The following PHTF1 variants were observed in gnomAD, a reference collection of about 807,000 sequenced individuals.
PHTF1 encodes the protein protein PHTF1.
Under a neutral mutation model 102.4 loss-of-function variants are expected in PHTF1, and 88 were observed. The observed-to-expected ratio is 0.86, with a 90% CI of 0.72 to 1.03. The LOEUF is 1.03. PHTF1 is among the 50% of genes least tolerant of loss of function. PHTF1 has a pLI of 0.00. For synonymous variants in PHTF1, 289 were observed against 305.2 expected, an observed-to-expected ratio of 0.95 and a Z score of 0.55; for missense variants, 814 against 909.5, an observed-to-expected ratio of 0.89 and a Z score of 1.35.
rs1248952900 is a variant in PHTF1, at chr1:113,724,885, C to T, written c.497G>A (p.Arg166Gln). Residue 166 changes from arginine to glutamine, a missense_variant, in exon 7 of 19, where the codon CGA becomes CAA. Coordinates refer to ENST00000369604, the MANE Select transcript of PHTF1 (RefSeq NM_001323043.2). ...NNGNRRRRKL[R>Q]KTVNGDGSRE... ...GCTCCCATCACCATTTACAGTTTTT[C>T]GTAATTTTCTACAAAAAAAAATTTC... The T allele has an allele frequency of 2.5e-6, 4 of 1,590,934 alleles. No homozygotes were observed. The highest frequency in any genetic ancestry group is 2.6e-6 in the Non-Finnish European group (3 of 1,171,624).
Position 113,711,823 on chromosome 1 carries a change from T to A in PHTF1, c.970A>T (p.Thr324Ser). 6.2e-7 allele frequency: 1 copy of A among 1,613,754 alleles called. No homozygotes were observed. ...CGCACAATATGACACCACCTTGTAG[T>A]GGTTTTCTTTACCTGCCAAAAATCA... ...RHLNSQVKKT[T>S]TRWCHIVRDS... The change falls in exon 10 of 19, where the codon ACT (threonine) becomes TCT (serine). Residue 324 changes from threonine to serine, a missense_variant. By Grantham distance (58) the Thr-to-Ser change is moderately conservative. Transcript: ENST00000369604.
At position 113,713,264 on chromosome 1, in the gene PHTF1, C is replaced by T. The variant is rs753528106; in HGVS notation, c.783+15G>A. On this transcript the variant is annotated intron_variant, in intron 8 of 18. Coordinates refer to ENST00000369604, the MANE Select transcript of PHTF1 (RefSeq NM_001323043.2). ...TGGGGAAAAAAACCCCTTGTTAAAT[C>T]CATCTAAATCTTACCCTACGGCACT... The T allele has an allele frequency of 9.3e-6, 15 of 1,609,560 alleles. No individual in the cohort carries two copies. The highest frequency in any genetic ancestry group is 2.7e-5 in the African/African-American group (2 of 74,726).
intron 11 of PHTF1, 139 bp from the exon 12 acceptor site, chr1:113,706,861 T>C (rs1487501598): frequency 6.8e-6 from 4 of 590,652 alleles, no homozygotes; most frequent in South Asian, 2.5e-5. Context: ...CTTTTTTTTT[T>C]TTTTTTTTTT....
intron 3 of PHTF1, among the ~76,000 whole-genome samples, chr1:113,739,321 T>C (rs1260860518): frequency 6.6e-6 from 1 of 152,222 alleles, no homozygotes; most frequent in Non-Finnish European, 1.5e-5. Flanking sequence ...ATATACTTTA[T>C]CACTTTTTAA....
chr1:113,729,897 T>C (rs1003501580), intron 5 of PHTF1, among the ~76,000 whole-genome samples: 4 of 152,198 alleles, frequency 2.6e-5, no homozygotes, highest in Non-Finnish European at 5.9e-5. Flanking sequence ...TTCGGGGAGC[T>C]TCCCTGGGTG....
At chr1:113,728,234 A>C (rs1276418882) in intron 5 of PHTF1, among the ~76,000 whole-genome samples, 2 of 152,362 alleles carry the variant, frequency 1.3e-5, no homozygotes, top group East Asian at 3.9e-4. Context: ...AGAATATATA[A>C]GGAGCTCAAA....
intron 3 of PHTF1, among the ~76,000 whole-genome samples, chr1:113,742,012 A>T (rs757591097): frequency 8.5e-5 from 13 of 152,176 alleles, no homozygotes; most frequent in Non-Finnish European, 1.6e-4. Context: ...TTTATCTTCC[A>T]CCGTGCATGT....
In PHTF1 at chr1:113,726,591, T is replaced by A. The variant is rs1653873724; in HGVS notation, c.332-17A>T. 1 of 1,497,908 alleles carries A rather than the reference T, an allele frequency of 6.7e-7. No individual in the cohort carries two copies. The highest frequency in any genetic ancestry group is 1.4e-5 in the African/African-American group (1 of 70,538). 92.8% of individuals were successfully genotyped at this position (1,497,908 alleles called of 1,614,324 possible). A position where few individuals can be genotyped will look rare whatever the true frequency, so the allele number is the denominator to read the frequency against. On this transcript the variant is annotated splice_polypyrimidine_tract_variant and intron_variant, in intron 5 of 18. Transcript: ENST00000369604. ...TTGCTATAACTGAAAAGAAGAGGTT[T>A]TAAGATGTAAAACATTAGAGCTCTT...
intron 5 of PHTF1, among the ~76,000 whole-genome samples, chr1:113,737,792 C>T (rs1460121408): frequency 6.6e-6 from 1 of 152,026 alleles, no homozygotes; most frequent in African/African-American, 2.4e-5. Flanking sequence ...GAGAGAGACC[C>T]CGTCTCAAAA....
At position 113,756,395 on chromosome 1, in the gene PHTF1, G is replaced by A. The variant is rs766627264; in HGVS notation, c.102+1304C>T. 3.5e-4 allele frequency among the ~76,000 whole-genome samples: 53 copies of A among 152,096 alleles called. 1 individual carries two copies. The highest frequency in any genetic ancestry group is 9.2e-4 in the Admixed American group (14 of 15,274). ...ATTGATTGGCCTATTTAACAGAACA[G>A]ATAATATTAAGTTGTATTCACCCAG... is the stretch of plus-strand genomic sequence containing the variant. On this transcript the variant is annotated intron_variant, in intron 3 of 18. Coordinates refer to ENST00000369604, the MANE Select transcript of PHTF1 (RefSeq NM_001323043.2).
At chr1:113,718,324 C>T (rs1652390876) in intron 7 of PHTF1, among the ~76,000 whole-genome samples, 1 of 152,312 alleles carries the variant, frequency 6.6e-6, no homozygotes, top group Admixed American at 6.5e-5. Context: ...CAGCTCTGTC[C>T]TTATGGCTTT....
chr1:113,716,342 CTTT>C (rs1180513920), intron 7 of PHTF1, among the ~76,000 whole-genome samples: 6 of 120,948 alleles, frequency 5.0e-5, no homozygotes, highest in Admixed American at 9.0e-5. Flanking sequence ...TTATTTTTCC[CTTT>C]TTTTTTTTTT....
At chr1:113,702,824 A>T (rs573779243) in intron 15 of PHTF1, among the ~76,000 whole-genome samples, 4 of 152,350 alleles carry the variant, frequency 2.6e-5, no homozygotes, top group Admixed American at 2.6e-4. Context: ...CAAATCAATA[A>T]GAAACATTAC....
chr1:113,706,966 T>C (rs1189025756), intron 11 of PHTF1, among the ~76,000 whole-genome samples: 2 of 150,852 alleles, frequency 1.3e-5, no homozygotes, highest in South Asian at 2.1e-4. Flanking sequence ...CAGCCTTCTG[T>C]GTAGCAAGGA....
At chr1:113,709,645 C>T (rs1322595020) in intron 11 of PHTF1, among the ~76,000 whole-genome samples, 1 of 152,168 alleles carries the variant, frequency 6.6e-6, no homozygotes, top group Non-Finnish European at 1.5e-5. Flanking sequence ...TGGGTATTTA[C>T]TCTTGCCAGG....
intron 5 of PHTF1, among the ~76,000 whole-genome samples, chr1:113,728,114 C>A (rs1654120761): frequency 6.6e-6 from 1 of 152,054 alleles, no homozygotes; most frequent in South Asian, 2.1e-4. Flanking sequence ...GAGGGCCGGG[C>A]CGAGGGAAGC....
intron 17 of PHTF1, chr1:113,698,918 G>C (rs1649135452): frequency 6.2e-6 from 1 of 160,482 alleles, no homozygotes; most frequent in Non-Finnish European, 1.3e-5. Context: ...CCTCTACATG[G>C]AGAGTCTGGT....
chr1:113,698,621 AC>A, intron 17 of PHTF1, among the ~76,000 whole-genome samples: 1 of 25,434 alleles, frequency 3.9e-5, no homozygotes, highest in Non-Finnish European at 9.7e-5. Context: ...ATATATATAT[AC>A]ACACACACAC....
At chr1:113,729,743 T>C (rs1169594841) in intron 5 of PHTF1, among the ~76,000 whole-genome samples, 1 of 152,064 alleles carries the variant, frequency 6.6e-6, no homozygotes, top group Non-Finnish European at 1.5e-5. Flanking sequence ...ACCAACTACG[T>C]GATTAAAGGC....
Sources: gnomAD v4.1 joint callset for allele counts (sites outside exome capture counted in the v4.1 genomes callset) on GRCh38, gnomAD v4.1.1 for gene constraint, MANE v1.5 for transcripts, NCBI Gene and HGNC (gene_info 2026-07-23, HGNC 2026-07-21) for gene names.